DGKI: variants seen among roughly 807,000 people sequenced by gnomAD.
DGKI encodes DAG kinase iota.
Under a neutral mutation model 147.5 loss-of-function variants are expected in DGKI, and 55 were observed. The ratio of observed to expected loss-of-function variants is 0.37; its 90% CI spans 0.30 to 0.47. The LOEUF (loss-of-function observed/expected upper bound fraction) is 0.47, where lower values mean the gene tolerates loss of function less well. DGKI is among the 20% of genes least tolerant of loss of function. The probability of loss-of-function intolerance (pLI) is 1.00; values close to 1 mark genes in which losing one functional copy is unlikely to be tolerated. For synonymous variants in DGKI, 469 were observed against 477.1 expected, an observed-to-expected ratio of 0.98 and a Z score of 0.22; for missense variants, 1,007 against 1,323.8, an observed-to-expected ratio of 0.76 and a Z score of 3.71.
chr7:137,433,823 A>G (rs1406790848), intron 28 of DGKI, among the ~76,000 whole-genome samples: 1 of 152,218 alleles, frequency 6.6e-6, no homozygotes, highest in Non-Finnish European at 1.5e-5. Context: ...TTTCCACTTA[A>G]AAGTAAACTA....
chr7:137,563,954 C>T (rs181219080), intron 19 of DGKI, among the ~76,000 whole-genome samples: 7 of 151,994 alleles, frequency 4.6e-5, no homozygotes, highest in Non-Finnish European at 1.0e-4. Flanking sequence ...ATGCAAATGC[C>T]CAAAGATCTA....
At chr7:137,717,200 A>G (rs550672863) in intron 1 of DGKI, among the ~76,000 whole-genome samples, 2 of 152,342 alleles carry the variant, frequency 1.3e-5, no homozygotes, top group East Asian at 3.9e-4. Context: ...AAATGTCAAA[A>G]GAGTGGCTTT....
At chr7:137,831,480 G>A (rs1376664764) in intron 1 of DGKI, among the ~76,000 whole-genome samples, 4 of 152,146 alleles carry the variant, frequency 2.6e-5, no homozygotes, top group Non-Finnish European at 5.9e-5. Flanking sequence ...GAGAGCTTGT[G>A]TGGAAAACTC....
chr7:137,530,826 G>C (rs1480070042), intron 20 of DGKI, among the ~76,000 whole-genome samples: 1 of 152,074 alleles, frequency 6.6e-6, no homozygotes, highest in Non-Finnish European at 1.5e-5. Context: ...TAAAATCACT[G>C]ATTATGCATT....
At chr7:137,799,487 A>G (rs1797131012) in intron 1 of DGKI, among the ~76,000 whole-genome samples, 1 of 152,230 alleles carries the variant, frequency 6.6e-6, no homozygotes, top group African/African-American at 2.4e-5. Flanking sequence ...AAAAGGATGA[A>G]TTTTATGGTA....
rs143831296 is a variant in DGKI at position 137,615,854 on chromosome 7, A to C, written c.993+3970T>G. On this transcript the variant is annotated intron_variant, in intron 8 of 32. Coordinates refer to ENST00000614521, the MANE Select transcript of DGKI (RefSeq NM_001321708.2). ...TCGAAGAGTTTCAATAGAAGAGTTT[A>C]ATTGTTCGGTATTACACAAATTAGT... 5.1e-3 allele frequency among the ~76,000 whole-genome samples: 783 copies of C among 152,210 alleles called. 26 individuals are homozygous for C. The highest frequency in any genetic ancestry group is 1.6e-3 in the Non-Finnish European group (107 of 68,022).
intron 28 of DGKI, among the ~76,000 whole-genome samples, chr7:137,434,043 TG>T (rs1211565686): frequency 6.6e-6 from 1 of 150,546 alleles, no homozygotes; most frequent in Non-Finnish European, 1.5e-5. Context: ...CGCTTGAACC[TG>T]GGAGGCAGAG....
At chr7:137,817,426 C>G (rs182626516) in intron 1 of DGKI, among the ~76,000 whole-genome samples, 1 of 152,294 alleles carries the variant, frequency 6.6e-6, no homozygotes. Context: ...CTATAACTCT[C>G]AAATAATACT....
chr7:137,590,770 G>T (rs1027341087), intron 12 of DGKI, among the ~76,000 whole-genome samples: 45 of 152,132 alleles, frequency 3.0e-4, no homozygotes, highest in Admixed American at 2.8e-3. Context: ...TCAGCTCACT[G>T]AAGCGTCTAC....
At chr7:137,645,389 T>G in intron 6 of DGKI, 83 bp downstream of exon 6, 1 of 1,170,486 alleles carries the variant, frequency 8.5e-7, no homozygotes, top group Non-Finnish European at 1.2e-6. Flanking sequence ...AACACTGGAT[T>G]TGGGGACAGG....
intron 1 of DGKI, among the ~76,000 whole-genome samples, chr7:137,845,380 C>G (rs922951528): frequency 6.6e-6 from 1 of 152,214 alleles, no homozygotes; most frequent in Non-Finnish European, 1.5e-5. Flanking sequence ...CATGGTGTGA[C>G]AGGCTTAATA....
chr7:137,550,314 T>G (rs1818003039), intron 20 of DGKI, among the ~76,000 whole-genome samples: 1 of 152,074 alleles, frequency 6.6e-6, no homozygotes. Flanking sequence ...TAGCTGGGAT[T>G]ACAGGCGCAT....
chr7:137,440,954 A>C (rs1383060546), intron 28 of DGKI, among the ~76,000 whole-genome samples: 1 of 152,196 alleles, frequency 6.6e-6, no homozygotes, highest in Non-Finnish European at 1.5e-5. Flanking sequence ...ATGTAATAAA[A>C]GGTTTCCAGA....
At chr7:137,586,008 C>A (rs1403020525) in intron 13 of DGKI, among the ~76,000 whole-genome samples, 1 of 152,204 alleles carries the variant, frequency 6.6e-6, no homozygotes, top group Non-Finnish European at 1.5e-5. Context: ...TATTTCTACA[C>A]TGCCTACTTT....
At chr7:137,686,473 T>C (rs1173972271) in intron 2 of DGKI, among the ~76,000 whole-genome samples, 1 of 152,090 alleles carries the variant, frequency 6.6e-6, no homozygotes, top group Admixed American at 6.6e-5. Context: ...CGAAAAATCT[T>C]CAAAGAATGA....
chr7:137,793,589 G>A (rs1354140347), intron 1 of DGKI, among the ~76,000 whole-genome samples: 3 of 152,158 alleles, frequency 2.0e-5, no homozygotes, highest in Non-Finnish European at 4.4e-5. Flanking sequence ...TTACAGGCTT[G>A]AGCCACTGCA....
chr7:137,469,677 T>A lies in DGKI; in HGVS notation c.2374-58A>T. 6 of 1,505,898 alleles carry A rather than the reference T, an allele frequency of 4.0e-6. No individual in the cohort carries two copies. In the South Asian group the frequency reaches 6.9e-5, roughly 17 times the overall value. 93.3% of individuals were successfully genotyped at this position (1,505,898 alleles called of 1,614,324 possible). On this transcript the variant is annotated intron_variant, in intron 23 of 32. Transcript: ENST00000614521. The stretch of plus-strand genomic sequence containing the variant: ...ATTTCAATAACCTGATGGGCTTCCC[T>A]CACTCAGCATTCTGCCATCCTTTCC...
At chr7:137,482,053 T>G (rs1815390237) in intron 23 of DGKI, among the ~76,000 whole-genome samples, 1 of 152,002 alleles carries the variant, frequency 6.6e-6, no homozygotes, top group Non-Finnish European at 1.5e-5. Flanking sequence ...AATCAGTTTC[T>G]GCACTAAGAA....
rs116868777 is a variant in DGKI, at chr7:137,666,461, A to C, written c.607-9921T>G. On this transcript the variant is annotated intron_variant, in intron 3 of 32. Coordinates refer to ENST00000614521, the MANE Select transcript of DGKI (RefSeq NM_001321708.2). The stretch of plus-strand genomic sequence containing the variant: ...AAGCTACGACGTGAATCTTAGGAGA[A>C]GTCTACACCTTGGAATTCATTTGGG... 2.5e-3 allele frequency among the ~76,000 whole-genome samples: 379 copies of C among 152,294 alleles called. 6 individuals are homozygous for C. In the East Asian group the frequency reaches 0.045, roughly 18 times the overall value.
Sources: gnomAD v4.1 joint callset for allele counts (sites outside exome capture counted in the v4.1 genomes callset) on GRCh38, gnomAD v4.1.1 for gene constraint, MANE v1.5 for transcripts, NCBI Gene and HGNC (gene_info 2026-07-23, HGNC 2026-07-21) for gene names.